The following LCN12 variants were observed in gnomAD, a reference collection of about 807,000 sequenced individuals.
LCN12 encodes the protein lipocalin 12, also known as epididymal-specific lipocalin-12.
In LCN12, 15 loss-of-function variants were observed where a neutral mutation model predicts 23.7. That is an observed-to-expected ratio of 0.63 (90% CI 0.42 to 0.97). The LOEUF (loss-of-function observed/expected upper bound fraction) is 0.97, where lower values mean the gene tolerates loss of function less well. LCN12 is among the 50% of genes least tolerant of loss of function. The pLI is 0.00. For synonymous variants in LCN12, 116 were observed against 111.5 expected (o/e 1.04, Z -0.25); for missense variants, 219 against 249.6 (o/e 0.88, Z 0.83).
intron 5 of LCN12, 157 bp downstream of exon 5, chr9:136,954,412 AC>A: frequency 1.1e-6 from 1 of 914,682 alleles, no homozygotes; most frequent in Non-Finnish European, 1.7e-6. Flanking sequence ...CCTGTGCTCA[AC>A]CCAGGCTCTG....
chr9:136,951,961 CAG>C (rs1048339522), upstream of LCN12, among the ~76,000 whole-genome samples: 2 of 152,232 alleles, frequency 1.3e-5, no homozygotes, highest in African/African-American at 4.8e-5. Context: ...CATTCTGTGA[CAG>C]GGAGGAAGGC....
In LCN12 at chr9:136,953,784, G is replaced by A; in HGVS notation, c.331+5G>A. ...TCACTGTGGACCACGGTGTGGGTAA[G>A]CCAGTCACAGGAGGGAGGGACGGGG... On this transcript the variant is annotated splice_donor_5th_base_variant and intron_variant, in intron 3 of 5. Transcript: ENST00000371633. 1 of 1,605,478 alleles carries A rather than the reference G, an allele frequency of 6.2e-7. No individual in the cohort carries two copies. The highest frequency in any genetic ancestry group is 8.5e-7 in the Non-Finnish European group (1 of 1,176,350).
rs781217243 is a variant in LCN12 at position 136,953,741 on chromosome 9, C to CTGAT, written c.293_294insTGAT (p.Ala99AspfsTer78). ...ACATGGTCTTATGTGCTGATACCGGCAGCCCAGCCTGGGCAGTTCACTGTG... is the reference window on the plus strand; with the variant it reads ...ACATGGTCTTATGTGCTGATACCGGCTGATAGCCCAGCCTGGGCAGTTCACTGTG... On this transcript the variant is annotated frameshift_variant, in exon 3 of 6. Coordinates refer to ENST00000371633, the MANE Select transcript of LCN12 (RefSeq NM_178536.4). LOFTEE classifies it high-confidence loss of function. 3 of 1,605,760 alleles carry CTGAT rather than the reference C, an allele frequency of 1.9e-6. No homozygotes were observed. In the African/African-American group the frequency reaches 4.0e-5, roughly 21 times the overall value.
At chr9:136,954,500 C>T (rs1331725649) in intron 5 of LCN12, 4 of 567,768 alleles carry the variant, frequency 7.0e-6, no homozygotes, top group African/African-American at 5.7e-5. Context: ...CGGGCCACCT[C>T]CTCCCGCCCC....
downstream of LCN12, among the ~76,000 whole-genome samples, chr9:136,956,389 A>G (rs1158613986): frequency 6.6e-6 from 1 of 152,216 alleles, no homozygotes; most frequent in Admixed American, 6.5e-5. Flanking sequence ...GGCAGGCTGT[A>G]CAGGATCCAA....
chr9:136,953,939 G>T lies in LCN12; in HGVS notation c.423G>T (p.Leu141=). ...TGTCCCGCAGACACACGAGCAGGCT[G>T]GCCGTCCTCAGGATCAGCCTGCTGG... ...LMLSRRHTSR[L]AVLRISLLGR... The change falls in exon 4 of 6, where the codon CTG becomes CTT. Residue 141 remains leucine, a synonymous_variant. Transcript: ENST00000371633. 1 of 1,610,908 alleles carries T rather than the reference G, an allele frequency of 6.2e-7. No individual in the cohort carries two copies. Among genetic ancestry groups the T allele is most frequent in the South Asian group, 1.1e-5 (1 of 90,954 alleles).
chr9:136,952,350 G>A lies in LCN12; in HGVS notation c.23G>A (p.Trp8Ter). Reference protein sequence around the residue: MRLLCGLWLWLSLLKVLQ... With the variant: MRLLCGL ...AGGATGAGGCTGCTGTGTGGCCTGT[G>A]GCTGTGGCTCTCCTTGCTGAAAGTC... The change falls in exon 1 of 6, where the codon TGG (tryptophan) becomes TAG (stop). Residue 8 changes from tryptophan to a stop codon, truncating the protein, a stop_gained. Transcript: ENST00000371633. LOFTEE classifies it high-confidence loss of function. The A allele has an allele frequency of 1.2e-6, 2 of 1,611,344 alleles. No homozygotes were observed. Among genetic ancestry groups the A allele is most frequent in the East Asian group, 4.5e-5 (2 of 44,840 alleles).
upstream of LCN12, chr9:136,952,197 G>A (rs1851169745): frequency 3.3e-5 from 23 of 700,186 alleles, no homozygotes; most frequent in South Asian, 3.3e-4. Context: ...CAGTCCTGAG[G>A]AGGGAGGCAG....
Position 136,953,840 on chromosome 9 carries a change from C to T in LCN12, c.332-8C>T, listed in dbSNP as rs377037501. 18 of 1,597,966 alleles carry T rather than the reference C, an allele frequency of 1.1e-5. No individual in the cohort carries two copies. The highest frequency in any genetic ancestry group is 7.0e-5 in the Admixed American group (4 of 57,222). ...GCCCACAGGGATGTGACGTCTGTGCCGCCTCAGAGCCCGGGGCGGACAGAG... is the reference window on the plus strand; with the variant it reads ...GCCCACAGGGATGTGACGTCTGTGCTGCCTCAGAGCCCGGGGCGGACAGAG... On this transcript the variant is annotated splice_region_variant and splice_polypyrimidine_tract_variant and intron_variant, in intron 3 of 5. Coordinates refer to ENST00000371633, the MANE Select transcript of LCN12 (RefSeq NM_178536.4).
At chr9:136,954,981 C>G (rs1821468037) in intron 5 of LCN12, 4 of 1,321,046 alleles carry the variant, frequency 3.0e-6, no homozygotes, top group Non-Finnish European at 3.9e-6. Flanking sequence ...CGAACACCCA[C>G]TTACACACAC....
chr9:136,952,771 C>T, intron 1 of LCN12, 121 bp from the exon 2 acceptor site: 1 of 1,223,862 alleles, frequency 8.2e-7, no homozygotes, highest in South Asian at 1.5e-5. Context: ...GGCGCCGGCC[C>T]AGCCAGGAGC....
chr9:136,955,431 T>G lies in LCN12; in HGVS notation c.*32T>G, dbSNP rs746758822. 16 of 1,604,948 alleles carry G rather than the reference T, an allele frequency of 1.0e-5. No individual in the cohort carries two copies. The highest frequency in any genetic ancestry group is 1.3e-5 in the African/African-American group (1 of 74,826). ...AAGCAGCTCCTGTCCGGCCCAGCCC[T>G]GCCTCACAGCTGTGCGAGCTCTGCC... is the stretch of plus-strand genomic sequence containing the variant. On this transcript the variant is annotated 3_prime_UTR_variant, in exon 6 of 6. Transcript: ENST00000371633.
chr9:136,954,439 C>T, intron 5 of LCN12, 184 bp downstream of exon 5: 1 of 753,890 alleles, frequency 1.3e-6, no homozygotes, highest in Non-Finnish European at 2.3e-6. Flanking sequence ...CCTCCTGCCG[C>T]CCCGGGTCCC....
At chr9:136,950,806 G>A (rs574587614), upstream of LCN12, among the ~76,000 whole-genome samples, 139 of 152,332 alleles carry the variant, frequency 9.1e-4, no homozygotes, top group African/African-American at 3.3e-3. Flanking sequence ...TACGTGGGCA[G>A]TGAGGCCTGG....
At chr9:136,956,474 G>A (rs977735289), downstream of LCN12, among the ~76,000 whole-genome samples, 4 of 152,198 alleles carry the variant, frequency 2.6e-5, no homozygotes, top group African/African-American at 4.8e-5. Flanking sequence ...CGGCCCCAAC[G>A]AGATGGATCC....
chr9:136,953,203 C>T (rs1378892104), intron 2 of LCN12, 175 bp downstream of exon 2: 36 of 814,126 alleles, frequency 4.4e-5, no homozygotes, highest in Admixed American at 7.6e-5. Context: ...GGCAGCTGGG[C>T]GCGCTGGCTC....
chr9:136,953,813 T>A (rs1170071747), intron 3 of LCN12, 34 bp downstream of exon 3: 1 of 1,599,570 alleles, frequency 6.3e-7, no homozygotes, highest in Non-Finnish European at 8.5e-7. Context: ...GACGGGGTGC[T>A]GGCCCACAGG....
chr9:136,954,134 C>A lies in LCN12; in HGVS notation c.449-20C>A. On this transcript the variant is annotated intron_variant, in intron 4 of 5. Transcript: ENST00000371633. ...CCCCTGCCAAGTGCACAGACCCATGCTGGGCTCCCTGGGCTGCAGGCAGGA... is the reference window on the plus strand; with the variant it reads ...CCCCTGCCAAGTGCACAGACCCATGATGGGCTCCCTGGGCTGCAGGCAGGA... 1 of 1,536,296 alleles carries A rather than the reference C, an allele frequency of 6.5e-7. No individual in the cohort carries two copies.
At position 136,952,450 on chromosome 9, in the gene LCN12, G is replaced by A. The variant is rs1851180510; in HGVS notation, c.114+9G>A. 6.3e-7 allele frequency: 1 copy of A among 1,590,146 alleles called. No homozygotes were observed. Among genetic ancestry groups the A allele is most frequent in the East Asian group, 2.2e-5 (1 of 44,718 alleles). On this transcript the variant is annotated intron_variant, in intron 1 of 5. Transcript: ENST00000371633. ...GCTTCCAAGGAAACCAGGTACAGGG[G>A]TTTTGACGGAAGGAGAAGCAGCCGG...
Sources: allele counts gnomAD v4.1 joint callset (sites outside exome capture counted in the v4.1 genomes callset), GRCh38; gene constraint gnomAD v4.1.1; transcripts MANE v1.5; gene names NCBI Gene and HGNC (gene_info 2026-07-23, HGNC 2026-07-21).